The following KCND2 variants were observed in gnomAD, a reference collection of about 807,000 sequenced individuals.
KCND2 encodes the protein A-type voltage-gated potassium channel KCND2.
Under a neutral mutation model 54.4 loss-of-function variants are expected in KCND2, and 16 were observed. That is an observed-to-expected ratio of 0.29 (90% confidence interval 0.20 to 0.45). The LOEUF is 0.45. KCND2 is among the 20% of genes least tolerant of loss of function. The pLI, the probability that KCND2 is intolerant of heterozygous loss-of-function variation, is 1.00. For missense variants in KCND2, 486 were observed against 824.2 expected, an observed-to-expected ratio of 0.59 and a Z score of 5.02; for synonymous variants, 317 against 310.7, an observed-to-expected ratio of 1.02 and a Z score of -0.21.
intron 1 of KCND2, among the ~76,000 whole-genome samples, chr7:120,650,176 G>A (rs1322412552): frequency 6.9e-6 from 1 of 145,782 alleles, no homozygotes; most frequent in Non-Finnish European, 1.5e-5. Flanking sequence ...TTGCTAGGTT[G>A]GGGAAGTTCT....
At chr7:120,733,439 A>G (rs1048481239) in intron 2 of KCND2, among the ~76,000 whole-genome samples, 13 of 152,154 alleles carry the variant, frequency 8.5e-5, no homozygotes, top group African/African-American at 2.7e-4. Context: ...TCACACAGCA[A>G]TGTCTAATTT....
intron 1 of KCND2, among the ~76,000 whole-genome samples, chr7:120,389,154 A>G (rs1256207026): frequency 6.6e-6 from 1 of 151,486 alleles, no homozygotes; most frequent in African/African-American, 2.4e-5. Flanking sequence ...AGAAAATGAT[A>G]TTCATATAGC....
At chr7:120,422,430 G>A (rs1801638908) in intron 1 of KCND2, among the ~76,000 whole-genome samples, 1 of 152,070 alleles carries the variant, frequency 6.6e-6, no homozygotes, top group Non-Finnish European at 1.5e-5. Context: ...CTGTCATCTG[G>A]GTTTGCGCTA....
chr7:120,517,319 T>C (rs1239219756), intron 1 of KCND2, among the ~76,000 whole-genome samples: 1 of 152,114 alleles, frequency 6.6e-6, no homozygotes, highest in Non-Finnish European at 1.5e-5. Context: ...TAGTATTTTA[T>C]TCTTAGTATA....
chr7:120,406,508 T>C (rs1203115925), intron 1 of KCND2, among the ~76,000 whole-genome samples: 2 of 152,022 alleles, frequency 1.3e-5, no homozygotes, highest in South Asian at 4.1e-4. Context: ...TGACTTTTTT[T>C]CAAAAGCAAA....
At chr7:120,667,645 A>T (rs1791944925) in intron 1 of KCND2, among the ~76,000 whole-genome samples, 1 of 152,046 alleles carries the variant, frequency 6.6e-6, no homozygotes, top group Non-Finnish European at 1.5e-5. Flanking sequence ...AGCAAGAGAC[A>T]TACCCTCATG....
intron 1 of KCND2, among the ~76,000 whole-genome samples, chr7:120,687,486 T>A (rs1051457339): frequency 6.6e-6 from 1 of 152,136 alleles, no homozygotes; most frequent in Non-Finnish European, 1.5e-5. Context: ...CTGATTAGCT[T>A]GATTTAACCA....
At chr7:120,432,486 T>C (rs1406822982) in intron 1 of KCND2, among the ~76,000 whole-genome samples, 1 of 146,650 alleles carries the variant, frequency 6.8e-6, no homozygotes, top group East Asian at 2.1e-4. Flanking sequence ...TGTGTTTGCA[T>C]GTATGTGAAT....
intron 1 of KCND2, among the ~76,000 whole-genome samples, chr7:120,719,051 T>C (rs1329246201): frequency 6.6e-6 from 1 of 152,032 alleles, no homozygotes. Context: ...CAACTCCCTA[T>C]AGAAACTAGA....
intron 1 of KCND2, among the ~76,000 whole-genome samples, chr7:120,618,453 C>T (rs190614808): frequency 6.6e-5 from 10 of 152,278 alleles, no homozygotes; most frequent in East Asian, 3.9e-4. Flanking sequence ...CACTGAGTCT[C>T]TAAACTGAGT....
intron 1 of KCND2, among the ~76,000 whole-genome samples, chr7:120,377,912 T>A (rs1406479950): frequency 2.6e-5 from 4 of 151,926 alleles, no homozygotes; most frequent in Non-Finnish European, 5.9e-5. Flanking sequence ...ATGTCCCTTT[T>A]TGTATGCTCA....
chr7:120,622,186 C>T (rs892149565), intron 1 of KCND2, among the ~76,000 whole-genome samples: 3 of 151,998 alleles, frequency 2.0e-5, no homozygotes, highest in East Asian at 1.9e-4. Flanking sequence ...CGATGTTATG[C>T]GGGATTTTAA....
chr7:120,337,411 A>G (rs1162600275), intron 1 of KCND2, among the ~76,000 whole-genome samples: 2 of 152,192 alleles, frequency 1.3e-5, no homozygotes, highest in Non-Finnish European at 2.9e-5. Context: ...GATTTTGTTT[A>G]GTGAGCCTCT....
chr7:120,676,033 T>G (rs1792056868), intron 1 of KCND2, among the ~76,000 whole-genome samples: 1 of 152,082 alleles, frequency 6.6e-6, no homozygotes, highest in Non-Finnish European at 1.5e-5. Flanking sequence ...AGACGAGGTT[T>G]GGCCATTTTG....
intron 1 of KCND2, among the ~76,000 whole-genome samples, chr7:120,297,312 T>C: frequency 6.6e-6 from 1 of 152,120 alleles, no homozygotes; most frequent in East Asian, 1.9e-4. Context: ...CATTGGTATT[T>C]GTCTTTCTGT....
intron 1 of KCND2, among the ~76,000 whole-genome samples, chr7:120,556,711 T>A (rs1436054956): frequency 6.6e-6 from 1 of 152,098 alleles, no homozygotes; most frequent in African/African-American, 2.4e-5. Flanking sequence ...TTTATTACAC[T>A]TTTGCACAGA....
chr7:120,306,784 T>A (rs573068719), intron 1 of KCND2, among the ~76,000 whole-genome samples: 27 of 152,090 alleles, frequency 1.8e-4, no homozygotes, highest in Admixed American at 1.4e-3. Flanking sequence ...ATATTTTTTT[T>A]AAAATTCAAG....
chr7:120,580,557 T>C (rs1792502352), intron 1 of KCND2, among the ~76,000 whole-genome samples: 1 of 152,190 alleles, frequency 6.6e-6, no homozygotes, highest in South Asian at 2.1e-4. Context: ...CAGTCCTGCA[T>C]TGTTTACAAA....
chr7:120,672,355 C>T (rs190640039), intron 1 of KCND2, among the ~76,000 whole-genome samples: 3 of 152,184 alleles, frequency 2.0e-5, no homozygotes, highest in Admixed American at 2.0e-4. Context: ...TATCAATATA[C>T]TCTTTGATGT....
Sources: gnomAD v4.1 joint callset for allele counts (sites outside exome capture counted in the v4.1 genomes callset) on GRCh38, gnomAD v4.1.1 for gene constraint, MANE v1.5 for transcripts, NCBI Gene and HGNC (gene_info 2026-07-23, HGNC 2026-07-21) for gene names.